The following CUBN variants were observed in gnomAD, a reference collection of about 807,000 sequenced individuals.
CUBN encodes cubilin.
CUBN carries 282 observed loss-of-function variants against 405.3 expected under a neutral mutation model. That is an observed-to-expected ratio of 0.70 (90% CI 0.63 to 0.77). CUBN has a LOEUF of 0.77. Among genes scored for constraint, CUBN ranks in the 30% least tolerant of loss-of-function variants. The probability of loss-of-function intolerance (pLI) is 0.00; values close to 1 mark genes in which losing one functional copy is unlikely to be tolerated. For missense variants in CUBN, 4,514 were observed against 4,475.2 expected (o/e 1.01, Z -0.25); for synonymous variants, 1,684 against 1,617.0 (o/e 1.04, Z -0.99).
chr10:16,934,423 A>C (rs1842443279), intron 39 of CUBN, among the ~76,000 whole-genome samples: 1 of 152,230 alleles, frequency 6.6e-6, no homozygotes, highest in Admixed American at 6.5e-5. Context: ...AATGTTGTAG[A>C]ACTAGGTCCT....
chr10:17,104,600 A>C lies in CUBN; in HGVS notation c.1236T>G (p.Thr412=). The C allele has an allele frequency of 1.9e-6, 3 of 1,612,956 alleles. No individual in the cohort carries two copies. The highest frequency in any genetic ancestry group is 1.3e-5 in the African/African-American group (1 of 74,918). The part of the protein sequence containing the change: ...HPCLNGQCID[T]VSGYFCKCDS... ...CACACTTACAAAAATAACCAGAGAC[A>C]GTGTCCTAAGGGGAAAAAAAACACA... The change falls in exon 12 of 67, where the codon ACT becomes ACG. Residue 412 remains threonine, a synonymous_variant. Coordinates refer to ENST00000377833, the MANE Select transcript of CUBN (RefSeq NM_001081.4).
chr10:16,940,156 C>A lies in CUBN; in HGVS notation c.5424G>T (p.Val1808=), dbSNP rs148649437. The A allele has an allele frequency of 5.8e-5, 93 of 1,614,122 alleles. 1 individual carries two copies. In the African/African-American group the frequency reaches 1.2e-3, roughly 20 times the overall value. ...GGAAGGAGTTTCCACAGTATCGTCC[C>A]ACCAAGTGACCCGTGGCATTTCCTT... is the stretch of plus-strand genomic sequence containing the variant. The part of the protein sequence containing the change: ...IREGNATGHL[V]GRYCGNSFPL... The change falls in exon 37 of 67, where the codon GTG becomes GTT. Residue 1808 remains valine (V), a synonymous_variant. Coordinates refer to ENST00000377833, the MANE Select transcript of CUBN (RefSeq NM_001081.4).
intron 16 of CUBN, 139 bp downstream of exon 16, chr10:17,085,458 T>G: frequency 1.1e-6 from 1 of 882,870 alleles, no homozygotes; most frequent in East Asian, 2.5e-5. Context: ...TATGAAGCTA[T>G]GAGAGAAATA....
intron 10 of CUBN, among the ~76,000 whole-genome samples, chr10:17,105,997 A>G (rs566692416): frequency 1.7e-4 from 26 of 152,232 alleles, no homozygotes; most frequent in African/African-American, 5.8e-4. Context: ...CAAGAGCCCA[A>G]TAGAGGGCCA....
Position 16,928,247 on chromosome 10 carries a change from G to A in CUBN, c.6181C>T (p.Pro2061Ser), listed in dbSNP as rs755994153. ...ATGTACTCTCCAGTAGACCGGATGGGCCCAGGGATCTCTCTGCCACAGAGA... is the reference window on the plus strand; with the variant it reads ...ATGTACTCTCCAGTAGACCGGATGGACCCAGGGATCTCTCTGCCACAGAGA... ...AVLCGREIPG[P>S]IRSTGEYMFI... Residue 2061 changes from proline (P) to serine (S), a missense_variant, in exon 41 of 67, where the codon CCC (proline) becomes TCC (serine). Physicochemically the swap from Pro to Ser is moderately conservative, Grantham distance 74. Transcript: ENST00000377833. The A allele has an allele frequency of 1.2e-6, 2 of 1,613,896 alleles. No homozygotes were observed. Among genetic ancestry groups the A allele is most frequent in the South Asian group, 2.2e-5 (2 of 91,074 alleles).
chr10:17,107,511 T>G (rs919966601), intron 10 of CUBN, among the ~76,000 whole-genome samples: 11 of 149,972 alleles, frequency 7.3e-5, no homozygotes, highest in African/African-American at 2.7e-4. Context: ...TTTTTTTTTT[T>G]TTTTGAGACG....
chr10:16,870,173 T>C (rs1171669263), intron 58 of CUBN, among the ~76,000 whole-genome samples: 1 of 152,234 alleles, frequency 6.6e-6, no homozygotes, highest in Non-Finnish European at 1.5e-5. Flanking sequence ...TTTTGACAAG[T>C]TGAACTGATA....
intron 17 of CUBN, among the ~76,000 whole-genome samples, chr10:17,082,934 T>A (rs1166254512): frequency 6.6e-6 from 1 of 152,156 alleles, no homozygotes; most frequent in Non-Finnish European, 1.5e-5. Flanking sequence ...TGGCAGGCAG[T>A]AAGCTGACAA....
intron 54 of CUBN, among the ~76,000 whole-genome samples, chr10:16,897,866 G>A (rs142474540): frequency 1.1e-3 from 173 of 152,176 alleles, no homozygotes; most frequent in Middle Eastern, 6.8e-3. Flanking sequence ...CTTGCCCGAT[G>A]TTATCAGAGG....
At chr10:17,045,862 G>A in intron 24 of CUBN, 72 bp downstream of exon 24, 3 of 1,475,796 alleles carry the variant, frequency 2.0e-6, no homozygotes, top group Non-Finnish European at 1.9e-6. Context: ...GAGGGACAGA[G>A]CATGACAATC....
intron 60 of CUBN, among the ~76,000 whole-genome samples, chr10:16,841,985 C>T (rs1447098163): frequency 6.6e-6 from 1 of 150,518 alleles, no homozygotes; most frequent in Non-Finnish European, 1.5e-5. Flanking sequence ...ACATTCCCAT[C>T]TCCTTTCCTG....
intron 60 of CUBN, among the ~76,000 whole-genome samples, chr10:16,849,049 T>A (rs956132428): frequency 1.2e-4 from 18 of 152,062 alleles, no homozygotes; most frequent in African/African-American, 4.3e-4. Context: ...GGAATTGACA[T>A]TCCTTGCTAT....
At chr10:16,996,047 T>C (rs1050065959) in intron 28 of CUBN, among the ~76,000 whole-genome samples, 1 of 152,074 alleles carries the variant, frequency 6.6e-6, no homozygotes, top group African/African-American at 2.4e-5. Flanking sequence ...TTCTGTGTTC[T>C]CTCTCCCCCA....
chr10:16,965,975 A>T (rs1433336476), intron 31 of CUBN: 2 of 471,120 alleles, frequency 4.2e-6, no homozygotes, highest in South Asian at 3.1e-5. Context: ...AGTATGATTA[A>T]ACCTAGAGAA....
intron 31 of CUBN, among the ~76,000 whole-genome samples, chr10:16,974,004 C>T (rs907668597): frequency 4.6e-5 from 7 of 152,146 alleles, no homozygotes; most frequent in Non-Finnish European, 1.0e-4. Context: ...CCTAGTATTC[C>T]GCGCTGTCTC....
intron 28 of CUBN, among the ~76,000 whole-genome samples, chr10:17,014,910 T>C (rs985078665): frequency 3.9e-5 from 6 of 152,142 alleles, no homozygotes; most frequent in African/African-American, 1.4e-4. Flanking sequence ...TGCAGGAGAA[T>C]ACAGAAGAAG....
intron 31 of CUBN, among the ~76,000 whole-genome samples, chr10:16,958,855 A>G (rs1843143611): frequency 6.6e-6 from 1 of 152,186 alleles, no homozygotes; most frequent in African/African-American, 2.4e-5. Context: ...ACCTGAGGCC[A>G]GGTGATTTAT....
chr10:17,032,415 A>G (rs11254335), intron 27 of CUBN, among the ~76,000 whole-genome samples: 8,388 of 152,244 alleles, frequency 0.055, 783 homozygotes, highest in African/African-American at 0.19. Flanking sequence ...GTATTCGTGC[A>G]GCACTGAGTG....
rs1842592549 is a variant in CUBN, at chr10:16,939,153, A to G, written c.5549-6T>C. The G allele has an allele frequency of 1.2e-6, 2 of 1,610,980 alleles. No individual in the cohort carries two copies. Among genetic ancestry groups the G allele is most frequent in the South Asian group, 1.1e-5 (1 of 91,022 alleles). The stretch of plus-strand genomic sequence containing the variant: ...AATATTATCATTGCCAAATACTAGG[A>G]GGGAAGACAGAGTAGTAAATCAGAC... On this transcript the variant is annotated splice_region_variant and splice_polypyrimidine_tract_variant and intron_variant, in intron 37 of 66. Transcript: ENST00000377833.
Sources: allele counts gnomAD v4.1 joint callset (sites outside exome capture counted in the v4.1 genomes callset), GRCh38; gene constraint gnomAD v4.1.1; transcripts MANE v1.5; gene names NCBI Gene and HGNC (gene_info 2026-07-23, HGNC 2026-07-21).